LRP1B: variants seen among roughly 807,000 people sequenced by gnomAD.
LRP1B encodes LDL receptor related protein 1B.
In LRP1B, 217 loss-of-function variants were observed where a neutral mutation model predicts 556.6. That is an observed-to-expected ratio of 0.39 (90% CI 0.35 to 0.44). LRP1B has a LOEUF of 0.44. Ranked by LOEUF, LRP1B falls within the 20% of genes least tolerant of loss-of-function variation. The pLI is 1.00. For missense variants in LRP1B, 5,053 were observed against 5,620.8 expected (o/e 0.90, Z 3.23); for synonymous variants, 2,047 against 1,865.8 (o/e 1.10, Z -2.50).
intron 26 of LRP1B, 37 bp downstream of exon 26, chr2:140,868,062 A>G (rs965525048): frequency 1.3e-6 from 1 of 777,314 alleles, no homozygotes; most frequent in Non-Finnish European, 1.8e-6. Flanking sequence ...TTATCTAAGT[A>G]AAAAAAAAAA....
intron 1 of LRP1B, among the ~76,000 whole-genome samples, chr2:141,986,299 A>G (rs936510010): frequency 6.6e-6 from 1 of 151,934 alleles, no homozygotes; most frequent in African/African-American, 2.4e-5. Flanking sequence ...AAAAAAGTAG[A>G]TATTGGTTTA....
intron 35 of LRP1B, among the ~76,000 whole-genome samples, chr2:140,747,883 G>A (rs1449896664): frequency 2.0e-5 from 3 of 151,598 alleles, no homozygotes; most frequent in African/African-American, 7.3e-5. Context: ...ACATTTTTCA[G>A]TATCAGGGGT....
At chr2:141,659,219 G>A (rs938826487) in intron 2 of LRP1B, among the ~76,000 whole-genome samples, 1 of 152,090 alleles carries the variant, frequency 6.6e-6, no homozygotes, top group Non-Finnish European at 1.5e-5. Flanking sequence ...CTATTTATGC[G>A]AGAGCAGGCA....
chr2:140,801,222 A>G (rs1268532708), intron 32 of LRP1B, among the ~76,000 whole-genome samples: 4 of 152,200 alleles, frequency 2.6e-5, no homozygotes, highest in African/African-American at 9.6e-5. Context: ...GGAGACAAAA[A>G]TACTCCACTG....
At chr2:140,545,623 A>G (rs527639609) in intron 43 of LRP1B, among the ~76,000 whole-genome samples, 1 of 152,044 alleles carries the variant, frequency 6.6e-6, no homozygotes, top group African/African-American at 2.4e-5. Context: ...TGGAATCTCT[A>G]TTCTGTTGCA....
At chr2:140,732,555 C>T (rs1687814293) in intron 35 of LRP1B, among the ~76,000 whole-genome samples, 1 of 152,072 alleles carries the variant, frequency 6.6e-6, no homozygotes, top group Admixed American at 6.6e-5. Flanking sequence ...CTCTTGGTCT[C>T]AGCAGAATCA....
intron 41 of LRP1B, among the ~76,000 whole-genome samples, chr2:140,648,899 A>G (rs1684577850): frequency 6.6e-6 from 1 of 152,144 alleles, no homozygotes. Context: ...ATGAAACACA[A>G]TTTATAGAGT....
intron 37 of LRP1B, among the ~76,000 whole-genome samples, chr2:140,711,092 G>T (rs1357916277): frequency 1.3e-5 from 2 of 152,050 alleles, no homozygotes; most frequent in Non-Finnish European, 2.9e-5. Context: ...TAAAAGTAGA[G>T]AAGTCGTTTT....
intron 89 of LRP1B, among the ~76,000 whole-genome samples, chr2:140,236,531 T>C (rs1398190697): frequency 6.6e-6 from 1 of 150,968 alleles, no homozygotes; most frequent in Non-Finnish European, 1.5e-5. Flanking sequence ...AACTGGATAA[T>C]TGTATCATTT....
Position 141,413,052 on chromosome 2 carries a change from C to A in LRP1B, c.343+67344G>T, listed in dbSNP as rs866388893. Among the ~76,000 whole-genome samples, 8 of 151,968 alleles carry A rather than the reference C, an allele frequency of 5.3e-5. No individual in the cohort carries two copies. In the South Asian group the frequency reaches 1.0e-3, roughly 20 times the overall value. ...TAACAGCCTGGACAGCACAGTGAGA[C>A]CCCATCTCTACAAAAATGTTTAAAA... is the stretch of plus-strand genomic sequence containing the variant. On this transcript the variant is annotated intron_variant, in intron 3 of 90. Coordinates refer to ENST00000389484, the MANE Select transcript of LRP1B (RefSeq NM_018557.3).
At chr2:142,022,379 T>TTTA (rs141586096) in intron 1 of LRP1B, among the ~76,000 whole-genome samples, 28 of 151,034 alleles carry the variant, frequency 1.9e-4, no homozygotes, top group East Asian at 8.0e-4. Context: ...TTTGAAACAC[T>TTTA]TTATTATTAT....
intron 55 of LRP1B, among the ~76,000 whole-genome samples, chr2:140,499,382 A>G (rs1488894345): frequency 6.6e-6 from 1 of 151,946 alleles, no homozygotes; most frequent in African/African-American, 2.4e-5. Context: ...CACATGGAAT[A>G]AACACAAATA....
At chr2:141,784,922 A>C (rs116061665) in intron 2 of LRP1B, among the ~76,000 whole-genome samples, 158 of 152,030 alleles carry the variant, frequency 1.0e-3, no homozygotes, top group African/African-American at 3.6e-3. Flanking sequence ...ATGAATTTGG[A>C]GATACATGCA....
chr2:141,868,542 C>T (rs905129691), intron 1 of LRP1B, among the ~76,000 whole-genome samples: 4 of 152,038 alleles, frequency 2.6e-5, no homozygotes, highest in Admixed American at 6.6e-5. Context: ...TTATTCACAA[C>T]GTTACAGAAT....
At chr2:142,007,259 G>A (rs1383567703) in intron 1 of LRP1B, among the ~76,000 whole-genome samples, 3 of 152,092 alleles carry the variant, frequency 2.0e-5, no homozygotes, top group African/African-American at 7.2e-5. Flanking sequence ...ATAATTGGAA[G>A]CAAAATGCTG....
intron 41 of LRP1B, among the ~76,000 whole-genome samples, chr2:140,651,511 AAC>A (rs1251429027): frequency 6.9e-6 from 1 of 145,830 alleles, no homozygotes; most frequent in Non-Finnish European, 1.5e-5. Context: ...ATTAAAAAAA[AAC>A]ACATACAAAA....
chr2:140,881,021 T>A (rs181679794), intron 25 of LRP1B, among the ~76,000 whole-genome samples: 1 of 152,228 alleles, frequency 6.6e-6, no homozygotes, highest in Admixed American at 6.5e-5. Context: ...AAATCATATT[T>A]CTCAATAATT....
chr2:141,201,981 T>C (rs1187711644), intron 6 of LRP1B, among the ~76,000 whole-genome samples: 14 of 152,182 alleles, frequency 9.2e-5, no homozygotes, highest in Non-Finnish European at 2.1e-4. Flanking sequence ...TTAAGTTCAG[T>C]GGTACATATG....
In LRP1B at chr2:141,969,914, CT is replaced by C. The variant is rs143462223; in HGVS notation, c.83-159514del. Among the ~76,000 whole-genome samples the C allele has an allele frequency of 1.0e-3, 155 of 150,780 alleles. 4 individuals are homozygous for C. The South Asian group carries it at 0.015, about 14-fold the overall frequency. The stretch of plus-strand genomic sequence containing the variant: ...TAAGGTTTGTGGAAATACAAGGGCT[CT>C]TTTTTTTTCCACACTCTTGCCAACA... On this transcript the variant is annotated intron_variant, in intron 1 of 90. Coordinates refer to ENST00000389484, the MANE Select transcript of LRP1B (RefSeq NM_018557.3).
Sources: gnomAD v4.1 joint callset for allele counts (sites outside exome capture counted in the v4.1 genomes callset) on GRCh38, gnomAD v4.1.1 for gene constraint, MANE v1.5 for transcripts, NCBI Gene and HGNC (gene_info 2026-07-23, HGNC 2026-07-21) for gene names.